RYR1: variants seen among roughly 807,000 people sequenced by gnomAD.
RYR1 encodes the protein ryanodine receptor 1.
RYR1 carries 342 observed loss-of-function variants against 583.5 expected under a neutral mutation model. That is an observed-to-expected ratio of 0.59 (90% CI 0.54 to 0.64). RYR1 has a LOEUF of 0.64. Ranked by LOEUF, RYR1 falls within the 30% of genes least tolerant of loss-of-function variation. RYR1 has a pLI of 0.00. For synonymous variants in RYR1, 2,791 were observed against 2,822.5 expected, an observed-to-expected ratio of 0.99 and a Z score of 0.35; for missense variants, 6,032 against 6,917.2, an observed-to-expected ratio of 0.87 and a Z score of 4.54.
chr19:38,468,858 C>T, intron 25 of RYR1, 108 bp from the exon 26 acceptor site: 1 of 1,204,686 alleles, frequency 8.3e-7, no homozygotes, highest in South Asian at 1.3e-5. Context: ...TGCCCTGAAC[C>T]TGACACTTCG....
At chr19:38,495,907 T>C (rs1303453434) in intron 39 of RYR1, among the ~76,000 whole-genome samples, 1 of 152,066 alleles carries the variant, frequency 6.6e-6, no homozygotes, top group Admixed American at 6.6e-5. Flanking sequence ...GGATTACGGG[T>C]ATGCGCCACC....
At chr19:38,507,856 C>T (rs532358009) in intron 58 of RYR1, 29 bp downstream of exon 58, 14 of 1,398,714 alleles carry the variant, frequency 1.0e-5, no homozygotes, top group South Asian at 8.2e-5. Flanking sequence ...CGCTTATGCC[C>T]GCCCCACCTG....
At chr19:38,434,216 T>C (rs180706089) in intron 1 of RYR1, among the ~76,000 whole-genome samples, 36 of 152,146 alleles carry the variant, frequency 2.4e-4, no homozygotes, top group Non-Finnish European at 2.4e-4. Flanking sequence ...ATTCCTGGGC[T>C]TGATTTAGCC....
At position 38,440,743 on chromosome 19, in the gene RYR1, A is replaced by C; in HGVS notation, c.46-2A>C. 1.2e-6 allele frequency: 2 copies of C among 1,605,850 alleles called. No homozygotes were observed. The highest frequency in any genetic ancestry group is 1.7e-6 in the Non-Finnish European group (2 of 1,175,770). ...TGGAGACGCTGCCCCTCGGTTCCGC[A>C]GGACGATGAGGTGGTCCTGCAGTGC... On this transcript the variant is annotated splice_acceptor_variant, in intron 1 of 105. Transcript: ENST00000359596. LOFTEE classifies it high-confidence loss of function.
chr19:38,532,508 C>T lies in RYR1; in HGVS notation c.11160C>T (p.Tyr3720=). The change falls in exon 77 of 106, where the codon TAC becomes TAT. Residue 3720 remains tyrosine (Y), a synonymous_variant. Transcript: ENST00000359596. ...TCCCCAGCAAACTGGATGAGGATTA[C>T]CTGTACATGGCCTATGCTGATATCA... ...LTEKSKLDED[Y]LYMAYADIMA... The T allele has an allele frequency of 6.2e-6, 10 of 1,614,178 alleles. No homozygotes were observed. The highest frequency in any genetic ancestry group is 8.5e-6 in the Non-Finnish European group (10 of 1,180,040).
intron 96 of RYR1, 144 bp downstream of exon 96, chr19:38,573,451 G>A: frequency 9.4e-7 from 1 of 1,068,490 alleles, no homozygotes; most frequent in Non-Finnish European, 1.3e-6. Flanking sequence ...GGAGGCTAAG[G>A]CGGGCGGATC....
Position 38,527,755 on chromosome 19 carries a change from G to A in RYR1, c.10795G>A (p.Val3599Met). The A allele has an allele frequency of 2.5e-6, 4 of 1,614,112 alleles. No homozygotes were observed. Among genetic ancestry groups the A allele is most frequent in the Non-Finnish European group, 3.4e-6 (4 of 1,180,018 alleles). Residue 3599 changes from valine to methionine, a missense_variant, in exon 73 of 106, where the codon GTG becomes ATG. Around this residue, in one of 11 missense-constraint regions of RYR1, gnomAD observed 1,493 missense variants for 1,715.5 expected, o/e 0.87. Transcript: ENST00000359596. ...GAAAATCGTGCGCAGAGTCCAGGAA[G>A]TGTCAGCCGTGCTCTACTACCTGGA... Reference protein sequence around the residue: ...PEKIVRRVQEVSAVLYYLDQT... With the variant: ...PEKIVRRVQEMSAVLYYLDQT...
At chr19:38,521,578 T>C (rs1472221339) in intron 67 of RYR1, among the ~76,000 whole-genome samples, 2 of 149,892 alleles carry the variant, frequency 1.3e-5, no homozygotes, top group Non-Finnish European at 3.0e-5. Flanking sequence ...CCCAGCTAAG[T>C]ACTCCTGAGT....
chr19:38,456,146 AT>A (rs36068366), intron 16 of RYR1, among the ~76,000 whole-genome samples: 92,827 of 144,864 alleles, frequency 0.64, 29,874 homozygotes, highest in Middle Eastern at 0.72. Context: ...TAATTTTTGT[AT>A]TTTTTTTTTA....
At chr19:38,477,955 C>T (rs1171846084) in intron 30 of RYR1, 85 bp downstream of exon 30, 6 of 1,393,188 alleles carry the variant, frequency 4.3e-6, no homozygotes, top group African/African-American at 2.9e-5. Flanking sequence ...CTGTGGCTGC[C>T]TGGTTGTGGG....
intron 101 of RYR1, among the ~76,000 whole-genome samples, chr19:38,581,315 G>A (rs758874334): frequency 1.3e-5 from 2 of 152,164 alleles, no homozygotes; most frequent in Non-Finnish European, 2.9e-5. Context: ...CTGACCTGGT[G>A]ATCCGCCCGC....
At chr19:38,585,778 C>A (rs1479916730) in intron 102 of RYR1, among the ~76,000 whole-genome samples, 160 bp from the exon 103 acceptor site, 1 of 151,920 alleles carries the variant, frequency 6.6e-6, no homozygotes, top group Non-Finnish European at 1.5e-5. Flanking sequence ...CCACCGCACC[C>A]GGCCAATAAA....
chr19:38,498,748 T>A (rs767348541), intron 42 of RYR1, among the ~76,000 whole-genome samples: 3 of 152,166 alleles, frequency 2.0e-5, no homozygotes, highest in Non-Finnish European at 4.4e-5. Flanking sequence ...GCAGTGAGGA[T>A]GACCAGAGGT....
In RYR1 at chr19:38,443,650, G is replaced by T. The variant is rs778730947; in HGVS notation, c.345+18G>T. The T allele has an allele frequency of 6.2e-7, 1 of 1,614,116 alleles. No homozygotes were observed. The highest frequency in any genetic ancestry group is 1.1e-5 in the South Asian group (1 of 91,082). On this transcript the variant is annotated intron_variant, in intron 4 of 105. Coordinates refer to ENST00000359596, the MANE Select transcript of RYR1 (RefSeq NM_000540.3). ...GCCGCATGGTGAGTGCAACCTCGGT[G>T]GGCGTGGGCAGGGGCCAGGGCATGT...
intron 37 of RYR1, among the ~76,000 whole-genome samples, chr19:38,491,167 G>A (rs1969534206): frequency 6.6e-6 from 1 of 152,052 alleles, no homozygotes; most frequent in African/African-American, 2.4e-5. Context: ...ATTTTTCCTT[G>A]GCTGACTTTT....
chr19:38,474,082 G>A (rs1365130502), intron 28 of RYR1, among the ~76,000 whole-genome samples: 3 of 152,192 alleles, frequency 2.0e-5, no homozygotes, highest in Admixed American at 2.0e-4. Context: ...CACTAAAAGG[G>A]ACTTCAGTAT....
At position 38,502,696 on chromosome 19, in the gene RYR1, G is replaced by A. The variant is rs751048059; in HGVS notation, c.7804G>A (p.Val2602Ile). ...GRSLTKAQRD[V>I]IEDCLMSLCR... Reference sequence around the variant, plus strand: ...TTCGCTCACCAAGGCGCAGCGTGACGTCATCGAGGACTGCCTCATGTCGCT... The same window carrying A: ...TTCGCTCACCAAGGCGCAGCGTGACATCATCGAGGACTGCCTCATGTCGCT... The change falls in exon 48 of 106, where the codon GTC (valine) becomes ATC (isoleucine). Residue 2602 changes from valine (V) to isoleucine (I), a missense_variant. Around this residue, in one of 11 missense-constraint regions of RYR1, gnomAD observed 250 missense variants for 162.3 expected, o/e 1.54. Transcript: ENST00000359596. 5 of 1,604,734 alleles carry A rather than the reference G, an allele frequency of 3.1e-6. No homozygotes were observed. Among genetic ancestry groups the A allele is most frequent in the South Asian group, 1.1e-5 (1 of 90,948 alleles).
At chr19:38,515,382 C>G (rs1970919255) in intron 64 of RYR1, among the ~76,000 whole-genome samples, 1 of 152,100 alleles carries the variant, frequency 6.6e-6, no homozygotes, top group African/African-American at 2.4e-5. Flanking sequence ...AGGAGCCACG[C>G]AACACTGGGG....
chr19:38,528,336 G>A lies in RYR1; in HGVS notation c.10855G>A (p.Val3619Met). 6.2e-7 allele frequency: 1 copy of A among 1,614,134 alleles called. No individual in the cohort carries two copies. Among genetic ancestry groups the A allele is most frequent in the Non-Finnish European group, 8.5e-7 (1 of 1,180,026 alleles). Residue 3619 changes from valine (V) to methionine (M), a missense_variant, in exon 74 of 106, where the codon GTG (valine) becomes ATG (methionine). This residue lies in a region of RYR1 where 1,493 missense variants were observed against 1,715.5 expected (regional missense o/e 0.87). Coordinates refer to ENST00000359596, the MANE Select transcript of RYR1 (RefSeq NM_000540.3). The stretch of plus-strand genomic sequence containing the variant: ...GCACCCTTACAAGTCTAAGAAGGCC[G>A]TGTGGCACAAGCTTTTGTCCAAACA... ...TEHPYKSKKA[V>M]WHKLLSKQRR...
Sources: gnomAD v4.1 joint callset for allele counts (sites outside exome capture counted in the v4.1 genomes callset) on GRCh38, gnomAD v4.1.1 for gene constraint, gnomAD v4.1.1 regional missense constraint, MANE v1.5 for transcripts, NCBI Gene and HGNC (gene_info 2026-07-23, HGNC 2026-07-21) for gene names.